Variants in GSPT1 observed in about 807,000 individuals in gnomAD.
GSPT1 encodes G1 to S phase transition 1.
GSPT1 carries 20 observed loss-of-function variants against 72.5 expected under a neutral mutation model. The ratio of observed to expected loss-of-function variants is 0.28; its 90% CI spans 0.19 to 0.40. The LOEUF is 0.40. Among genes scored for constraint, GSPT1 ranks in the 10% least tolerant of loss-of-function variants. GSPT1 has a pLI of 1.00. For synonymous variants in GSPT1, 334 were observed against 293.5 expected (o/e 1.14, Z -1.41); for missense variants, 580 against 811.9 (o/e 0.71, Z 3.47).
intron 5 of GSPT1, among the ~76,000 whole-genome samples, chr16:11,894,653 T>A (rs1272304283): frequency 2.0e-5 from 3 of 152,170 alleles, no homozygotes; most frequent in African/African-American, 7.2e-5. Flanking sequence ...CTACTACTTT[T>A]AAAAAAATTA....
At position 11,877,382 on chromosome 16, in the gene GSPT1, A is replaced by G. The variant is rs187336511; in HGVS notation, c.1602+25T>C. The G allele has an allele frequency of 1.3e-6, 2 of 1,512,766 alleles. No homozygotes were observed. Among genetic ancestry groups the G allele is most frequent in the African/African-American group, 2.8e-5 (2 of 71,614 alleles). 93.7% of individuals were successfully genotyped at this position (1,512,766 alleles called of 1,614,324 possible). A position where few individuals can be genotyped will look rare whatever the true frequency, so the allele number is the denominator to read the frequency against. ...TTTCATTTAGACATTAAAACCCACT[A>G]TGACAACAACAATAATTTGTTTACC... On this transcript the variant is annotated intron_variant, in intron 12 of 14. Transcript: ENST00000434724. This position sits in a 1 kb window ranked among gnomAD's most constrained non-coding sequence, Gnocchi z 4.0.
At chr16:11,885,691 C>T (rs1005063679) in intron 9 of GSPT1, among the ~76,000 whole-genome samples, 1 of 152,034 alleles carries the variant, frequency 6.6e-6, no homozygotes, top group South Asian at 2.1e-4. Context: ...CCCAGGAGTT[C>T]GACACCAGCC....
At chr16:11,885,567 C>A (rs2054177222) in intron 9 of GSPT1, among the ~76,000 whole-genome samples, 1 of 151,978 alleles carries the variant, frequency 6.6e-6, no homozygotes, top group South Asian at 2.1e-4. Context: ...AGCTATGAAA[C>A]CAAGATTCTA....
intron 6 of GSPT1, among the ~76,000 whole-genome samples, chr16:11,890,518 A>G (rs2054245614): frequency 6.6e-6 from 1 of 152,184 alleles, no homozygotes; most frequent in Admixed American, 6.6e-5. Flanking sequence ...AGAGGAATAT[A>G]ATTTTATTTT....
intron 4 of GSPT1, 50 bp from the exon 5 acceptor site, chr16:11,895,037 G>A (rs1427426806): frequency 1.7e-6 from 2 of 1,153,486 alleles, no homozygotes; most frequent in East Asian, 2.4e-5. Context: ...AAAAACCAAT[G>A]GCTAAATATG....
chr16:11,872,905 C>CT lies in GSPT1; in HGVS notation c.*213dup. 1 of 452,806 alleles carries CT rather than the reference C, an allele frequency of 2.2e-6. No individual in the cohort carries two copies. The highest frequency in any genetic ancestry group is 4.0e-6 in the Non-Finnish European group (1 of 250,254). 28.0% of individuals were successfully genotyped at this position (452,806 alleles called of 1,614,324 possible). A position where few individuals can be genotyped will look rare whatever the true frequency, so the allele number is the denominator to read the frequency against. On this transcript the variant is annotated 3_prime_UTR_variant, in exon 15 of 15. Coordinates refer to ENST00000434724, the MANE Select transcript of GSPT1 (RefSeq NM_002094.4). ...AAGGAAGCAGAGTTTGAAGTGAGGG[C>CT]TAGGGACAGGAATCTTGGGAAAAAT...
rs1181820884 is a variant in GSPT1, at chr16:11,877,807, C to T, written c.1429-227G>A. Reference sequence around the variant, plus strand: ...CGTGTCACCTTTTAAATATCACATTCTAATCATTTCCAACTAGAACACTGT... The same window carrying T: ...CGTGTCACCTTTTAAATATCACATTTTAATCATTTCCAACTAGAACACTGT... On this transcript the variant is annotated intron_variant, in intron 11 of 14. Coordinates refer to ENST00000434724, the MANE Select transcript of GSPT1 (RefSeq NM_002094.4). This position sits in a 1 kb window ranked among gnomAD's most constrained non-coding sequence, Gnocchi z 4.0. 1.3e-5 allele frequency among the ~76,000 whole-genome samples: 2 copies of T among 152,194 alleles called. No homozygotes were observed. The highest frequency in any genetic ancestry group is 2.4e-5 in the African/African-American group (1 of 41,438).
intron 9 of GSPT1, 39 bp from the exon 10 acceptor site, chr16:11,885,313 A>G (rs1250364787): frequency 2.1e-6 from 2 of 951,354 alleles, no homozygotes; most frequent in East Asian, 2.4e-5. Context: ...GGAAGTCAAC[A>G]TAAATATCAA....
intron 1 of GSPT1, chr16:11,914,936 A>G: frequency 1.9e-6 from 2 of 1,072,080 alleles, no homozygotes; most frequent in Non-Finnish European, 2.5e-6. Flanking sequence ...CTAAGGTGAA[A>G]GGAAAACTCG....
intron 1 of GSPT1, chr16:11,908,548 C>G (rs1188648439): frequency 9.3e-6 from 1 of 108,044 alleles, no homozygotes; most frequent in Non-Finnish European, 1.7e-5. Flanking sequence ...ATCACGAGGT[C>G]AGGAGATCGA....
chr16:11,907,613 C>T (rs2054505417), intron 1 of GSPT1, among the ~76,000 whole-genome samples: 1 of 136,576 alleles, frequency 7.3e-6, no homozygotes, highest in Non-Finnish European at 1.5e-5. Context: ...CCTTCCCGCC[C>T]CCTGTTATTA....
chr16:11,868,814 AAAC>A lies in GSPT1; in HGVS notation c.*4302_*4304del, dbSNP rs1427687740. The A allele has an allele frequency of 1.3e-5, 2 of 152,208 alleles. No homozygotes were observed. The highest frequency in any genetic ancestry group is 4.8e-5 in the African/African-American group (2 of 41,434). The allele number at this position is 152,208 out of a possible 1,614,324, so 9.4% of individuals were successfully genotyped here. On this transcript the variant is annotated 3_prime_UTR_variant, in exon 15 of 15. Coordinates refer to ENST00000434724, the MANE Select transcript of GSPT1 (RefSeq NM_002094.4). Reference sequence around the variant, plus strand: ...ACAGTGGCAAATGTGACAAGGCAGAAAACAATAACCATTTCAAGGATCACTTAA... The same window carrying A: ...ACAGTGGCAAATGTGACAAGGCAGAAAATAACCATTTCAAGGATCACTTAA...
At chr16:11,900,855 T>G (rs2054396927) in intron 1 of GSPT1, among the ~76,000 whole-genome samples, 1 of 152,114 alleles carries the variant, frequency 6.6e-6, no homozygotes, top group African/African-American at 2.4e-5. Context: ...CTCCTCAACT[T>G]ACAATGGATT....
intron 1 of GSPT1, chr16:11,904,238 C>T (rs933176000): frequency 6.5e-6 from 1 of 153,070 alleles, no homozygotes; most frequent in African/African-American, 2.4e-5. Context: ...GAGTCTTGCT[C>T]TGTTGCCAGG....
At chr16:11,878,654 T>C (rs1209946427) in intron 11 of GSPT1, among the ~76,000 whole-genome samples, 1 of 151,634 alleles carries the variant, frequency 6.6e-6, no homozygotes, top group Non-Finnish European at 1.5e-5. Flanking sequence ...AGCCTCCAGT[T>C]CTGATGCCAG....
chr16:11,897,110 C>T (rs954131192), intron 3 of GSPT1, among the ~76,000 whole-genome samples: 5 of 152,054 alleles, frequency 3.3e-5, no homozygotes, highest in African/African-American at 1.2e-4. Flanking sequence ...TGTTGAGACA[C>T]CCTGATAGTA....
intron 1 of GSPT1, among the ~76,000 whole-genome samples, chr16:11,910,699 C>T (rs546761320): frequency 6.6e-6 from 1 of 152,354 alleles, no homozygotes; most frequent in South Asian, 2.1e-4. Flanking sequence ...GTCTACATTA[C>T]TTCCTTAACT....
rs1234654424 is a variant in GSPT1 at position 11,877,557 on chromosome 16, T to C, written c.1452A>G (p.Ile484Met). The part of the protein sequence containing the change: ...PNKHNVEVLG[I>M]LSDDVETDTV... ...TATCAGTCTCTACATCATCGGAAAGTATTCCAAGAACTTCCACGTTGTGCT... is the reference window on the plus strand; with the variant it reads ...TATCAGTCTCTACATCATCGGAAAGCATTCCAAGAACTTCCACGTTGTGCT... Residue 484 changes from isoleucine (I) to methionine (M), a missense_variant, in exon 12 of 15, where the codon ATA (isoleucine) becomes ATG (methionine). Physicochemically the swap from Ile to Met is conservative, Grantham distance 10. Coordinates refer to ENST00000434724, the MANE Select transcript of GSPT1 (RefSeq NM_002094.4). The surrounding 1 kb of genome is among the most constrained non-coding windows in gnomAD (Gnocchi z 4.0). 1 of 1,597,850 alleles carries C rather than the reference T, an allele frequency of 6.3e-7. No individual in the cohort carries two copies. Among genetic ancestry groups the C allele is most frequent in the African/African-American group, 1.4e-5 (1 of 73,946 alleles).
Position 11,901,788 on chromosome 16 carries a change from T to C in GSPT1, c.353-3753A>G, listed in dbSNP as rs542215881. Among the ~76,000 whole-genome samples the C allele has an allele frequency of 4.0e-5, 6 of 149,492 alleles. No individual in the cohort carries two copies. In the South Asian group the frequency reaches 1.1e-3, roughly 27 times the overall value. On this transcript the variant is annotated intron_variant, in intron 1 of 14. Coordinates refer to ENST00000434724, the MANE Select transcript of GSPT1 (RefSeq NM_002094.4). ...GCCTGGGTGAAAGAGTGAGACCCTG[T>C]CTCAAAAAAAAAAGAGGAAAAACTA...
Sources: gnomAD v4.1 joint callset for allele counts (sites outside exome capture counted in the v4.1 genomes callset) on GRCh38, gnomAD v4.1.1 for gene constraint, Gnocchi (gnomAD v3.1) non-coding constraint, MANE v1.5 for transcripts, NCBI Gene and HGNC (gene_info 2026-07-23, HGNC 2026-07-21) for gene names.